Variants in HTR1E observed in about 807,000 individuals in gnomAD.
HTR1E encodes 5-hydroxytryptamine receptor 1E.
A neutral mutation model predicts 3.4 loss-of-function variants in HTR1E; 3 were observed. The ratio of observed to expected loss-of-function variants is 0.89; its 90% CI spans 0.41 to 2.31. HTR1E has a LOEUF of 2.31. Among genes scored for constraint, HTR1E ranks in the 30% most tolerant of loss-of-function variants. The probability of loss-of-function intolerance (pLI) is 0.05; values close to 1 mark genes in which losing one functional copy is unlikely to be tolerated. For missense variants in HTR1E, 392 were observed against 467.0 expected (o/e 0.84, Z 1.48); for synonymous variants, 170 against 182.8 (o/e 0.93, Z 0.56).
chr6:86,976,702 A>G (rs1767644263), intron 1 of HTR1E, among the ~76,000 whole-genome samples: 1 of 152,230 alleles, frequency 6.6e-6, no homozygotes, highest in African/African-American at 2.4e-5. Context: ...GAAACTACAC[A>G]TTTCATCACG....
intron 1 of HTR1E, among the ~76,000 whole-genome samples, chr6:86,969,479 A>C (rs1228407376): frequency 3.3e-5 from 5 of 152,016 alleles, no homozygotes; most frequent in Non-Finnish European, 7.4e-5. Context: ...TTTCTCACTA[A>C]TTATCTTTCA....
rs183781386 is a variant in HTR1E at position 87,014,128 on chromosome 6, G to A, written c.-185-1022G>A. 5.7e-4 allele frequency among the ~76,000 whole-genome samples: 86 copies of A among 152,126 alleles called. 1 individual carries two copies. The highest frequency in any genetic ancestry group is 2.0e-3 in the African/African-American group (85 of 41,492). ...CCTGTCGTGGGGTCGGGGGACGGGG[G>A]AGTGATAGCATTAGGAGAAATACCT... On this transcript the variant is annotated intron_variant, in intron 1 of 1. Coordinates refer to ENST00000305344, the MANE Select transcript of HTR1E (RefSeq NM_000865.3).
At chr6:86,954,663 C>T (rs1315911559) in intron 1 of HTR1E, among the ~76,000 whole-genome samples, 1 of 152,080 alleles carries the variant, frequency 6.6e-6, no homozygotes, top group Non-Finnish European at 1.5e-5. Flanking sequence ...TGGCAAAGCC[C>T]GTATGCCCTG....
chr6:86,948,896 CCT>C (rs1767172304), intron 1 of HTR1E, among the ~76,000 whole-genome samples: 1 of 152,172 alleles, frequency 6.6e-6, no homozygotes, highest in African/African-American at 2.4e-5. Flanking sequence ...GGGAGTGCCT[CCT>C]GAGGATAAAA....
At position 87,016,208 on chromosome 6, in the gene HTR1E, A is replaced by G; in HGVS notation, c.874A>G (p.Ile292Val). 6.2e-7 allele frequency: 1 copy of G among 1,614,108 alleles called. No individual in the cohort carries two copies. The highest frequency in any genetic ancestry group is 1.1e-5 in the South Asian group (1 of 91,076). ...CACCAGGGAACGGAAGGCAGCACGC[A>G]TCCTGGGGCTGATTCTGGGTGCATT... ...SSTRERKAAR[I>V]LGLILGAFIL... Residue 292 changes from isoleucine (I) to valine (V), a missense_variant, in exon 2 of 2, where the codon ATC becomes GTC. Ile to Val is a conservative substitution (Grantham distance 29). Transcript: ENST00000305344.
intron 1 of HTR1E, among the ~76,000 whole-genome samples, chr6:87,009,996 T>C (rs1402979083): frequency 1.8e-5 from 2 of 111,244 alleles, no homozygotes; most frequent in African/African-American, 3.7e-5. Context: ...ACGGGGTGGC[T>C]GGCCGGGCGG....
chr6:86,989,237 C>G (rs1767840481), intron 1 of HTR1E, among the ~76,000 whole-genome samples: 1 of 152,168 alleles, frequency 6.6e-6, no homozygotes, highest in South Asian at 2.1e-4. Flanking sequence ...TCTCCCCAAG[C>G]AGCTCTCCTT....
intron 1 of HTR1E, among the ~76,000 whole-genome samples, chr6:86,950,829 C>T (rs1189907185): frequency 6.6e-6 from 1 of 152,068 alleles, no homozygotes; most frequent in African/African-American, 2.4e-5. Context: ...TATGACAATG[C>T]CCATACACAT....
intron 1 of HTR1E, among the ~76,000 whole-genome samples, chr6:87,003,382 T>TA (rs942240921): frequency 1.3e-5 from 2 of 151,598 alleles, no homozygotes; most frequent in African/African-American, 4.8e-5. Context: ...TACTTAAAAA[T>TA]AAAAAAATTA....
chr6:86,965,080 C>T (rs1767455402), intron 1 of HTR1E, among the ~76,000 whole-genome samples: 1 of 152,152 alleles, frequency 6.6e-6, no homozygotes, highest in African/African-American at 2.4e-5. Context: ...GCCTCCACTC[C>T]ATGCCATATG....
chr6:86,956,462 T>C (rs961731573), intron 1 of HTR1E, among the ~76,000 whole-genome samples: 3 of 152,204 alleles, frequency 2.0e-5, no homozygotes, highest in African/African-American at 4.8e-5. Context: ...TTTCAACCAA[T>C]TGCCAATCAG....
At chr6:86,975,867 GTTTT>G (rs1189798064) in intron 1 of HTR1E, among the ~76,000 whole-genome samples, 1 of 150,212 alleles carries the variant, frequency 6.7e-6, no homozygotes, top group African/African-American at 2.5e-5. Context: ...AAGTGTATTA[GTTTT>G]TTTATTAAAT....
chr6:86,957,580 A>G (rs1767344035), intron 1 of HTR1E, among the ~76,000 whole-genome samples: 1 of 152,212 alleles, frequency 6.6e-6, no homozygotes, highest in Non-Finnish European at 1.5e-5. Context: ...TGAATACCTG[A>G]GCCCCAACAT....
intron 1 of HTR1E, chr6:87,000,089 ACTTATCAAG>A (rs1370002348): frequency 5.7e-6 from 1 of 175,580 alleles, no homozygotes; most frequent in Non-Finnish European, 1.3e-5. Flanking sequence ...AGCACTTCCC[ACTTATCAAG>A]CCTCAGTACT....
chr6:86,976,663 C>G (rs184818627), intron 1 of HTR1E, among the ~76,000 whole-genome samples: 1 of 152,326 alleles, frequency 6.6e-6, no homozygotes, highest in African/African-American at 2.4e-5. Context: ...ATTAGCATCA[C>G]ATCTGATTTT....
At chr6:86,962,792 T>C (rs78986989) in intron 1 of HTR1E, among the ~76,000 whole-genome samples, 24,178 of 152,078 alleles carry the variant, frequency 0.16, 2,226 homozygotes, top group East Asian at 0.29. Flanking sequence ...GAACCAAGAT[T>C]GTGCCACTGC....
rs2127834932 is a variant in HTR1E, at chr6:87,015,965, A to G, written c.631A>G (p.Ser211Gly). Reference sequence around the variant, plus strand: ...TTACCGGATTTACCACGCGGCCAAGAGCCTTTACCAGAAAAGGGGATCAAG... The same window carrying G: ...TTACCGGATTTACCACGCGGCCAAGGGCCTTTACCAGAAAAGGGGATCAAG... Reference protein sequence around the residue: ...LYYRIYHAAKSLYQKRGSSRH... With the variant: ...LYYRIYHAAKGLYQKRGSSRH... Residue 211 changes from serine to glycine, a missense_variant, in exon 2 of 2, where the codon AGC becomes GGC. Coordinates refer to ENST00000305344, the MANE Select transcript of HTR1E (RefSeq NM_000865.3). The G allele has an allele frequency of 6.2e-7, 1 of 1,614,190 alleles. No individual in the cohort carries two copies. Among genetic ancestry groups the G allele is most frequent in the East Asian group, 2.2e-5 (1 of 44,880 alleles).
At chr6:86,967,064 ATATAG>A (rs1471756578) in intron 1 of HTR1E, among the ~76,000 whole-genome samples, 3 of 152,146 alleles carry the variant, frequency 2.0e-5, no homozygotes, top group Non-Finnish European at 4.4e-5. Flanking sequence ...TGGCTGAGTG[ATATAG>A]TATAATAAGC....
intron 1 of HTR1E, among the ~76,000 whole-genome samples, chr6:86,995,452 G>A (rs1431069158): frequency 6.6e-6 from 1 of 151,440 alleles, no homozygotes; most frequent in Non-Finnish European, 1.5e-5. Context: ...GATCACCTGA[G>A]GTCAGGAGTT....
Sources: gnomAD v4.1 joint callset for allele counts (sites outside exome capture counted in the v4.1 genomes callset) on GRCh38, gnomAD v4.1.1 for gene constraint, MANE v1.5 for transcripts, NCBI Gene and HGNC (gene_info 2026-07-23, HGNC 2026-07-21) for gene names.